Variants in SLC22A16 observed in about 807,000 individuals in gnomAD.
SLC22A16 encodes solute carrier family 22 member 16, also known as WUGSC:RG331P03.1.
A neutral mutation model predicts 52.9 loss-of-function variants in SLC22A16; 53 were observed. The ratio of observed to expected loss-of-function variants is 1.00; its 90% CI spans 0.80 to 1.26. The LOEUF (loss-of-function observed/expected upper bound fraction) is 1.26. SLC22A16 is among the 50% of genes most tolerant of loss of function. SLC22A16 has a pLI of 0.00. For missense variants in SLC22A16, 726 were observed against 704.0 expected (o/e 1.03, Z -0.35); for synonymous variants, 291 against 268.8 (o/e 1.08, Z -0.81).
chr6:110,463,514 T>TAAAAAAAAAAAAAA (rs386408237), intron 1 of SLC22A16, among the ~76,000 whole-genome samples: 239 of 53,180 alleles, frequency 4.5e-3, no homozygotes, highest in Admixed American at 5.7e-3. Flanking sequence ...GTAACAACAG[T>TAAAAAAAAAAAAAA]AAAAAAAAAA....
intron 7 of SLC22A16, among the ~76,000 whole-genome samples, chr6:110,427,386 C>G (rs1314444691): frequency 3.3e-5 from 5 of 152,156 alleles, no homozygotes; most frequent in African/African-American, 1.2e-4. Context: ...TACTTAACCT[C>G]TCTGCTCCTC....
In SLC22A16 at chr6:110,476,499, GCCGCGGGGCCCCT is replaced by G; in HGVS notation, c.53+10_53+22del. On this transcript the variant is annotated intron_variant, in intron 1 of 7. Transcript: ENST00000368919. ...CCCTCGGCGCCGCCTCCCGCGTGGCGCCGCGGGGCCCCTCCCCCATACCTGCCGAAGTGCCCCA... is the reference window on the plus strand; with the variant it reads ...CCCTCGGCGCCGCCTCCCGCGTGGCGCCCCCATACCTGCCGAAGTGCCCCA... The G allele has an allele frequency of 5.4e-6, 2 of 369,744 alleles. No homozygotes were observed. The highest frequency in any genetic ancestry group is 4.4e-6 in the Non-Finnish European group (1 of 225,970). 22.9% of individuals were successfully genotyped at this position (369,744 alleles called of 1,614,324 possible).
chr6:110,454,799 TA>T (rs1775554408), intron 2 of SLC22A16, among the ~76,000 whole-genome samples: 1 of 56,750 alleles, frequency 1.8e-5, no homozygotes, highest in African/African-American at 9.2e-5. Flanking sequence ...TAAATATATA[TA>T]ATATATATAT....
At chr6:110,462,923 G>T (rs552179830) in intron 1 of SLC22A16, among the ~76,000 whole-genome samples, 1 of 151,836 alleles carries the variant, frequency 6.6e-6, no homozygotes, top group Non-Finnish European at 1.5e-5. Flanking sequence ...CTAATGAGAC[G>T]TCTCAGTAGA....
intron 1 of SLC22A16, 200 bp downstream of exon 1, chr6:110,476,322 A>C (rs1310723490): frequency 7.3e-7 from 1 of 1,373,030 alleles, no homozygotes; most frequent in African/African-American, 1.5e-5. Flanking sequence ...TCACCATGCC[A>C]GGTCCCGCTG....
intron 7 of SLC22A16, among the ~76,000 whole-genome samples, chr6:110,427,631 C>A (rs1206706076): frequency 6.6e-6 from 1 of 152,166 alleles, no homozygotes; most frequent in East Asian, 1.9e-4. Flanking sequence ...TCCCGAGTAG[C>A]TGGGACTACA....
At chr6:110,458,168 C>T (rs576973144) in intron 1 of SLC22A16, among the ~76,000 whole-genome samples, 9 of 152,270 alleles carry the variant, frequency 5.9e-5, no homozygotes, top group Middle Eastern at 3.4e-3. Flanking sequence ...TCTCTCTCCC[C>T]GCCTCGGTTG....
Position 110,425,348 on chromosome 6 carries a change from C to T in SLC22A16, c.1522-263G>A, listed in dbSNP as rs7774205. 1.9e-3 allele frequency: 2,657 copies of T among 1,396,252 alleles called. 38 individuals carry two copies. The African/African-American group carries it at 0.034, about 18-fold the overall frequency. The allele number at this position is 1,396,252 out of a possible 1,614,324, so 86.5% of individuals were successfully genotyped here. ...TGCCTCCTTAATTGCCAGCTACTGC[C>T]TGCATTATTACTCCTGAAGGTGCTG... On this transcript the variant is annotated intron_variant, in intron 7 of 7. Transcript: ENST00000368919.
chr6:110,457,048 CT>C (rs757572378), intron 1 of SLC22A16, 31 bp from the exon 2 acceptor site: 1 of 1,513,102 alleles, frequency 6.6e-7, no homozygotes, highest in East Asian at 2.3e-5. Context: ...ATTATTATAT[CT>C]GGTCTATAGG....
rs754024377 is a variant in SLC22A16, at chr6:110,442,747, A to G, written c.680T>C (p.Phe227Ser). 6.2e-7 allele frequency: 1 copy of G among 1,613,936 alleles called. No homozygotes were observed. Among genetic ancestry groups the G allele is most frequent in the South Asian group, 1.1e-5 (1 of 91,016 alleles). ...GCCAATGAATTCCATCACATAGACAAACCCCACCACAAGATAGCCACTTGC... is the reference window on the plus strand; with the variant it reads ...GCCAATGAATTCCATCACATAGACAGACCCCACCACAAGATAGCCACTTGC... ...MVASGYLVVGFVYVMEFIGMK... is the reference protein window; with the variant it reads ...MVASGYLVVGSVYVMEFIGMK... Residue 227 changes from phenylalanine (F) to serine (S), a missense_variant, in exon 4 of 8, where the codon TTT becomes TCT. Coordinates refer to ENST00000368919, the MANE Select transcript of SLC22A16 (RefSeq NM_033125.4).
chr6:110,425,016 G>T lies in SLC22A16; in HGVS notation c.1591C>A (p.Arg531=). 6.2e-7 allele frequency: 1 copy of T among 1,614,082 alleles called. No homozygotes were observed. Among genetic ancestry groups the T allele is most frequent in the Non-Finnish European group, 8.5e-7 (1 of 1,180,022 alleles). ...GCCTCCTCCCAAGTAGTTGCTAGCC[G>T]TTTCCCAAGGGTTTCTGGAAGCTTT... ...TLKLPETLGK[R]LATTWEEAAK... is the part of the protein sequence containing the mutation. Residue 531 remains arginine, a synonymous_variant, in exon 8 of 8, where the codon CGG becomes AGG. Coordinates refer to ENST00000368919, the MANE Select transcript of SLC22A16 (RefSeq NM_033125.4).
rs763666736 is a variant in SLC22A16 at position 110,476,515 on chromosome 6, C to A, written c.53+7G>T. The A allele has an allele frequency of 1.4e-5, 21 of 1,462,266 alleles. 1 individual carries two copies. In the East Asian group the frequency reaches 6.2e-4, roughly 43 times the overall value. The allele number at this position is 1,462,266 out of a possible 1,614,324, so 90.6% of individuals were successfully genotyped here. On this transcript the variant is annotated splice_region_variant and intron_variant, in intron 1 of 7. Transcript: ENST00000368919. ...CCGCGTGGCGCCGCGGGGCCCCTCCCCCATACCTGCCGAAGTGCCCCACGT... is the reference window on the plus strand; with the variant it reads ...CCGCGTGGCGCCGCGGGGCCCCTCCACCATACCTGCCGAAGTGCCCCACGT...
Position 110,438,669 on chromosome 6 carries a change from C to G in SLC22A16, c.1311+51G>C, listed in dbSNP as rs758719117. On this transcript the variant is annotated intron_variant, in intron 5 of 7. Coordinates refer to ENST00000368919, the MANE Select transcript of SLC22A16 (RefSeq NM_033125.4). ...TAACTGTAATAAGCTAAATTCTTCC[C>G]ATCAAACTGTCACAGTATAACTGTC... The G allele has an allele frequency of 3.2e-6, 5 of 1,569,274 alleles. No individual in the cohort carries two copies. In the South Asian group the frequency reaches 4.8e-5, roughly 15 times the overall value.
At chr6:110,443,269 A>C (rs1300594479) in intron 3 of SLC22A16, among the ~76,000 whole-genome samples, 2 of 152,248 alleles carry the variant, frequency 1.3e-5, no homozygotes, top group Non-Finnish European at 2.9e-5. Context: ...GCATCAAAGA[A>C]CACTATCAAT....
intron 2 of SLC22A16, among the ~76,000 whole-genome samples, chr6:110,452,027 C>G (rs56184675): frequency 0.053 from 8,125 of 152,204 alleles, 247 homozygotes; most frequent in South Asian, 0.088. Context: ...GATCCTTTTC[C>G]TGCTAATATA....
chr6:110,458,760 A>G (rs1449089515), intron 1 of SLC22A16, among the ~76,000 whole-genome samples: 1 of 152,138 alleles, frequency 6.6e-6, no homozygotes, highest in Non-Finnish European at 1.5e-5. Flanking sequence ...GTGAAGGAAG[A>G]GCAAATTTAT....
chr6:110,447,033 T>G, intron 2 of SLC22A16, 43 bp from the exon 3 acceptor site: 1 of 1,519,396 alleles, frequency 6.6e-7, no homozygotes, highest in Admixed American at 1.8e-5. Context: ...AAGGTAGAGT[T>G]GTAACAGTTT....
intron 6 of SLC22A16, among the ~76,000 whole-genome samples, chr6:110,433,021 T>C (rs1304532830): frequency 6.6e-6 from 1 of 152,224 alleles, no homozygotes; most frequent in East Asian, 1.9e-4. Context: ...GCCACGACCC[T>C]AATCTTGTGT....
At chr6:110,472,567 A>C (rs1323828239) in intron 1 of SLC22A16, among the ~76,000 whole-genome samples, 2 of 152,154 alleles carry the variant, frequency 1.3e-5, no homozygotes, top group Admixed American at 1.3e-4. Flanking sequence ...CACACTTTCC[A>C]TGTGCTAGAA....
Sources: gnomAD v4.1 joint callset for allele counts (sites outside exome capture counted in the v4.1 genomes callset) on GRCh38, gnomAD v4.1.1 for gene constraint, MANE v1.5 for transcripts, NCBI Gene and HGNC (gene_info 2026-07-23, HGNC 2026-07-21) for gene names.